Variants in CNTNAP2 observed in about 807,000 individuals in gnomAD.
The protein encoded by CNTNAP2 is contactin associated protein 2, also known as contactin-associated protein-like 2.
Under a neutral mutation model 155.2 loss-of-function variants are expected in CNTNAP2, and 98 were observed. That is an observed-to-expected ratio of 0.63 (90% confidence interval 0.54 to 0.75). The LOEUF (loss-of-function observed/expected upper bound fraction) is 0.75, where lower values mean the gene tolerates loss of function less well. Ranked by LOEUF, CNTNAP2 falls within the 30% of genes least tolerant of loss-of-function variation. CNTNAP2 has a pLI of 0.00. For synonymous variants in CNTNAP2, 651 were observed against 631.2 expected, an observed-to-expected ratio of 1.03 and a Z score of -0.47; for missense variants, 1,727 against 1,688.1, an observed-to-expected ratio of 1.02 and a Z score of -0.40.
intron 12 of CNTNAP2, among the ~76,000 whole-genome samples, chr7:147,565,610 A>T (rs1266912997): frequency 2.0e-5 from 3 of 152,216 alleles, no homozygotes; most frequent in East Asian, 3.9e-4. Flanking sequence ...ACATTTTTAG[A>T]TCTGTTTTGA....
intron 9 of CNTNAP2, among the ~76,000 whole-genome samples, chr7:147,318,795 A>C (rs535137811): frequency 1.8e-4 from 28 of 152,324 alleles, no homozygotes; most frequent in Non-Finnish European, 3.4e-4. Context: ...ATAAACCTGC[A>C]CGTTCTGCAC....
chr7:146,733,739 A>G (rs1156580574), intron 1 of CNTNAP2, among the ~76,000 whole-genome samples: 1 of 152,104 alleles, frequency 6.6e-6, no homozygotes, highest in Non-Finnish European at 1.5e-5. Flanking sequence ...AAGAGAGAAA[A>G]GGAGCCAGAC....
chr7:148,264,128 G>A (rs1172353372), intron 20 of CNTNAP2, among the ~76,000 whole-genome samples: 1 of 152,150 alleles, frequency 6.6e-6, no homozygotes, highest in Non-Finnish European at 1.5e-5. Context: ...CCTAAACATG[G>A]AAATTTAATC....
At chr7:147,241,062 T>C (rs1803926230) in intron 8 of CNTNAP2, among the ~76,000 whole-genome samples, 2 of 152,314 alleles carry the variant, frequency 1.3e-5, no homozygotes, top group Admixed American at 6.5e-5. Flanking sequence ...CAGTAGAGCA[T>C]CTGTACTTAA....
intron 16 of CNTNAP2, among the ~76,000 whole-genome samples, chr7:148,144,367 A>G (rs747144723): frequency 7.9e-5 from 12 of 152,230 alleles, no homozygotes; most frequent in Non-Finnish European, 1.8e-4. Context: ...TCAGCTGTGA[A>G]GCAAACTTAT....
chr7:146,504,001 G>A (rs1179037363), intron 1 of CNTNAP2, among the ~76,000 whole-genome samples: 1 of 152,158 alleles, frequency 6.6e-6, no homozygotes, highest in Non-Finnish European at 1.5e-5. Flanking sequence ...AGCCAGATAC[G>A]AGCTCACACA....
At chr7:146,162,470 C>T (rs1039559759) in intron 1 of CNTNAP2, among the ~76,000 whole-genome samples, 7 of 152,170 alleles carry the variant, frequency 4.6e-5, no homozygotes, top group Non-Finnish European at 8.8e-5. Context: ...CCATCTCACA[C>T]CAGTTAGAAT....
intron 1 of CNTNAP2, among the ~76,000 whole-genome samples, chr7:146,214,833 T>A (rs1031168049): frequency 6.6e-6 from 1 of 152,194 alleles, no homozygotes; most frequent in Non-Finnish European, 1.5e-5. Flanking sequence ...TCATATAAGA[T>A]AATTGACTTA....
chr7:146,620,315 C>T (rs917014144), intron 1 of CNTNAP2, among the ~76,000 whole-genome samples: 78 of 152,258 alleles, frequency 5.1e-4, no homozygotes, highest in African/African-American at 1.9e-3. Context: ...TCATGGCTAA[C>T]GGTGCTGCCT....
At chr7:147,579,375 C>T (rs532654689) in intron 12 of CNTNAP2, among the ~76,000 whole-genome samples, 2 of 152,202 alleles carry the variant, frequency 1.3e-5, no homozygotes, top group South Asian at 4.1e-4. Context: ...CATAGGTACA[C>T]AGTGACAAAC....
chr7:146,199,633 T>C (rs1288970659), intron 1 of CNTNAP2, among the ~76,000 whole-genome samples: 1 of 152,194 alleles, frequency 6.6e-6, no homozygotes, highest in Admixed American at 6.5e-5. Flanking sequence ...CTGTAATAAT[T>C]TACTGTGGCC....
At chr7:146,951,721 G>T (rs937589801) in intron 3 of CNTNAP2, among the ~76,000 whole-genome samples, 4 of 152,140 alleles carry the variant, frequency 2.6e-5, no homozygotes, top group Admixed American at 6.6e-5. Flanking sequence ...TTGAAGTCAG[G>T]TAGTGTGATT....
chr7:146,999,139 G>A (rs1428089022), intron 3 of CNTNAP2, among the ~76,000 whole-genome samples: 6 of 149,744 alleles, frequency 4.0e-5, no homozygotes, highest in Non-Finnish European at 5.9e-5. Context: ...TTCTGTTAGC[G>A]TATCTGTTAT....
chr7:148,029,898 G>A (rs1438791038), intron 15 of CNTNAP2, among the ~76,000 whole-genome samples: 1 of 152,130 alleles, frequency 6.6e-6, no homozygotes, highest in Non-Finnish European at 1.5e-5. Flanking sequence ...ACTGTTTTAT[G>A]TTTGGCAGGA....
At position 147,445,064 on chromosome 7, in the gene CNTNAP2, GC is replaced by G. The variant is rs540477468; in HGVS notation, c.1671-40866del. Among the ~76,000 whole-genome samples the G allele has an allele frequency of 1.4e-3, 215 of 152,156 alleles. 1 individual carries two copies. Among genetic ancestry groups the G allele is most frequent in the African/African-American group, 5.1e-3 (212 of 41,518 alleles). ...CAGGGGAACAGCAAGAGAAGAATCC[GC>G]CCCCATGATCCAATCACCTCCCACC... On this transcript the variant is annotated intron_variant, in intron 10 of 23. Coordinates refer to ENST00000361727, the MANE Select transcript of CNTNAP2 (RefSeq NM_014141.6).
intron 2 of CNTNAP2, among the ~76,000 whole-genome samples, chr7:146,829,329 A>C (rs904719586): frequency 1.3e-5 from 2 of 151,944 alleles, no homozygotes; most frequent in African/African-American, 4.8e-5. Flanking sequence ...TATTATCAGC[A>C]CTGTAAAAAA....
In CNTNAP2 at chr7:146,967,965, T is replaced by C. The variant is rs997278287; in HGVS notation, c.403-75942T>C. 1.8e-4 allele frequency among the ~76,000 whole-genome samples: 27 copies of C among 146,882 alleles called. 1 individual carries two copies. The highest frequency in any genetic ancestry group is 2.8e-4 in the Non-Finnish European group (18 of 65,388). ...GTGGGTTTGTCATAGATAGCTCTTA[T>C]TATTTTGAAATACGTCCCATCAATA... On this transcript the variant is annotated intron_variant, in intron 3 of 23. Coordinates refer to ENST00000361727, the MANE Select transcript of CNTNAP2 (RefSeq NM_014141.6).
chr7:146,473,177 C>T (rs957890958), intron 1 of CNTNAP2, among the ~76,000 whole-genome samples: 1 of 151,860 alleles, frequency 6.6e-6, no homozygotes, highest in Non-Finnish European at 1.5e-5. Flanking sequence ...ATTTCTCTGG[C>T]AGGGTCAGGG....
At chr7:146,162,577 A>G (rs1023766899) in intron 1 of CNTNAP2, among the ~76,000 whole-genome samples, 2 of 152,232 alleles carry the variant, frequency 1.3e-5, no homozygotes, top group South Asian at 2.1e-4. Flanking sequence ...AACTAGTTCA[A>G]CCATTGTGGA....
Sources: gnomAD v4.1 joint callset for allele counts (sites outside exome capture counted in the v4.1 genomes callset) on GRCh38, gnomAD v4.1.1 for gene constraint, MANE v1.5 for transcripts, NCBI Gene and HGNC (gene_info 2026-07-23, HGNC 2026-07-21) for gene names.